The following SP100 variants were observed in gnomAD, a reference collection of about 807,000 sequenced individuals.
SP100 encodes SP100 nuclear body protein, also known as nuclear autoantigen Sp-100.
Under a neutral mutation model 130.0 loss-of-function variants are expected in SP100, and 84 were observed. The observed-to-expected ratio is 0.65, with a 90% CI of 0.54 to 0.77. The LOEUF is 0.77. Among genes scored for constraint, SP100 ranks in the 30% least tolerant of loss-of-function variants. The pLI is 0.00. For missense variants in SP100, 978 were observed against 1,052.2 expected (o/e 0.93, Z 0.97); for synonymous variants, 331 against 351.7 (o/e 0.94, Z 0.66).
chr2:230,521,954 T>C (rs999692842), intron 24 of SP100, among the ~76,000 whole-genome samples: 3 of 152,158 alleles, frequency 2.0e-5, no homozygotes, highest in African/African-American at 7.2e-5. Context: ...TAAAGGAATT[T>C]CCATTTGCAG....
intron 24 of SP100, among the ~76,000 whole-genome samples, chr2:230,536,543 G>C (rs1691948534): frequency 6.6e-6 from 1 of 152,056 alleles, no homozygotes; most frequent in South Asian, 2.1e-4. Flanking sequence ...ACTGTATTTG[G>C]ACAATGAGAT....
intron 8 of SP100, among the ~76,000 whole-genome samples, chr2:230,452,134 C>T (rs943998672): frequency 2.6e-5 from 4 of 151,812 alleles, no homozygotes; most frequent in Admixed American, 6.6e-5. Flanking sequence ...TGTGCCTCCA[C>T]ACAAATTTTT....
chr2:230,509,696 G>A (rs1228812967), intron 23 of SP100: 1 of 152,100 alleles, frequency 6.6e-6, no homozygotes, highest in African/African-American at 2.4e-5. Flanking sequence ...TCAGCACCGC[G>A]TGGTAACTGC....
chr2:230,510,157 G>T (rs979782719), intron 23 of SP100: 2 of 152,596 alleles, frequency 1.3e-5, no homozygotes, highest in Admixed American at 6.5e-5. Flanking sequence ...TTTGTCTAAG[G>T]CCTCTCTGCC....
intron 17 of SP100, among the ~76,000 whole-genome samples, chr2:230,476,611 C>T (rs946094998): frequency 1.3e-5 from 2 of 152,062 alleles, no homozygotes; most frequent in Non-Finnish European, 2.9e-5. Context: ...TGTATTAACA[C>T]GTTTTGGAAT....
intron 17 of SP100, among the ~76,000 whole-genome samples, chr2:230,481,293 G>A (rs1473023748): frequency 6.6e-6 from 1 of 152,126 alleles, no homozygotes; most frequent in Non-Finnish European, 1.5e-5. Flanking sequence ...TCTAACAGGT[G>A]TCTTAAATCT....
chr2:230,486,447 C>A (rs537690168), intron 17 of SP100, among the ~76,000 whole-genome samples: 1 of 152,214 alleles, frequency 6.6e-6, no homozygotes, highest in South Asian at 2.1e-4. Flanking sequence ...GTTCCTGGGT[C>A]AGTTTGCTGA....
intron 24 of SP100, among the ~76,000 whole-genome samples, chr2:230,526,795 C>T (rs185371091): frequency 2.6e-5 from 4 of 151,992 alleles, no homozygotes; most frequent in African/African-American, 4.8e-5. Context: ...CTTCAATAGC[C>T]GATTCAATCA....
intron 8 of SP100, among the ~76,000 whole-genome samples, chr2:230,452,812 C>G (rs11675846): frequency 0.26 from 36,177 of 136,542 alleles, 4,771 homozygotes; most frequent in Non-Finnish European, 0.31. Flanking sequence ...TTTATTAGTT[C>G]TAGCAGTTTT....
At chr2:230,538,364 C>CCAG (rs1692031107) in intron 24 of SP100, 1 of 152,096 alleles carries the variant, frequency 6.6e-6, no homozygotes, top group Non-Finnish European at 1.5e-5. Context: ...AAACCTTGAC[C>CCAG]CAGCAGCCTA....
At chr2:230,528,873 A>G (rs1007332495) in intron 24 of SP100, among the ~76,000 whole-genome samples, 4 of 152,216 alleles carry the variant, frequency 2.6e-5, no homozygotes, top group African/African-American at 9.6e-5. Context: ...CAAAGACTAA[A>G]CCAGGAAAAA....
chr2:230,462,708 T>C, intron 10 of SP100, 190 bp downstream of exon 10: 2 of 569,292 alleles, frequency 3.5e-6, no homozygotes, highest in South Asian at 2.0e-5. Flanking sequence ...TATAAACTTA[T>C]TTTTGAGAAT....
chr2:230,529,737 G>T (rs1188343100), intron 24 of SP100, among the ~76,000 whole-genome samples: 3 of 152,116 alleles, frequency 2.0e-5, no homozygotes, highest in African/African-American at 7.2e-5. Context: ...AAAGTCTCAG[G>T]ATACAAAATC....
At chr2:230,480,698 T>C (rs1186295100) in intron 17 of SP100, among the ~76,000 whole-genome samples, 2 of 152,188 alleles carry the variant, frequency 1.3e-5, no homozygotes, top group East Asian at 3.8e-4. Context: ...GTCTGAGGCC[T>C]GAAAAGATCT....
At chr2:230,474,042 T>C (rs1196968168) in intron 16 of SP100, among the ~76,000 whole-genome samples, 1 of 152,228 alleles carries the variant, frequency 6.6e-6, no homozygotes. Context: ...TTTTGAAAGA[T>C]ATCCTCTGGA....
chr2:230,483,094 A>G (rs925841825), intron 17 of SP100, among the ~76,000 whole-genome samples: 3 of 152,158 alleles, frequency 2.0e-5, no homozygotes, highest in African/African-American at 2.4e-5. Context: ...ATGTTGCTCA[A>G]TAGGGATAAA....
intron 17 of SP100, among the ~76,000 whole-genome samples, chr2:230,492,385 A>G (rs949145202): frequency 7.9e-5 from 12 of 152,048 alleles, no homozygotes; most frequent in Non-Finnish European, 1.3e-4. Flanking sequence ...ATTAGCTGCA[A>G]CCTCTAACTC....
intron 14 of SP100, chr2:230,469,573 T>C (rs2065160245): frequency 6.7e-6 from 3 of 449,224 alleles, no homozygotes; most frequent in Non-Finnish European, 1.3e-5. Context: ...ATGAATGAGA[T>C]AGGAGAAAAC....
intron 8 of SP100, among the ~76,000 whole-genome samples, chr2:230,451,732 C>A (rs1310323641): frequency 6.6e-6 from 1 of 152,134 alleles, no homozygotes. Flanking sequence ...TGTCGTGAAG[C>A]TTTTCCTCTA....
Sources: allele counts gnomAD v4.1 joint callset (sites outside exome capture counted in the v4.1 genomes callset), GRCh38; gene constraint gnomAD v4.1.1; transcripts MANE v1.5; gene names NCBI Gene and HGNC (gene_info 2026-07-23, HGNC 2026-07-21).